The following CDH12 variants were observed in gnomAD, a reference collection of about 807,000 sequenced individuals.
CDH12 encodes cadherin-12.
A neutral mutation model predicts 74.1 loss-of-function variants in CDH12; 41 were observed. The observed-to-expected ratio is 0.55, with a 90% CI of 0.43 to 0.72. CDH12 has a LOEUF of 0.72. CDH12 is among the 30% of genes least tolerant of loss of function. The pLI is 0.00. For missense variants in CDH12, 945 were observed against 977.2 expected (o/e 0.97, Z 0.44); for synonymous variants, 399 against 355.0 (o/e 1.12, Z -1.39).
intron 3 of CDH12, among the ~76,000 whole-genome samples, chr5:22,313,951 C>T (rs1292729040): frequency 1.3e-5 from 2 of 152,026 alleles, no homozygotes; most frequent in Non-Finnish European, 2.9e-5. Flanking sequence ...ACCACTTGTA[C>T]CCCAAAAGCT....
At position 22,212,606 on chromosome 5, in the gene CDH12, T is replaced by C; in HGVS notation, c.-295A>G. 1.0e-6 allele frequency: 1 copy of C among 985,522 alleles called. No homozygotes were observed. The highest frequency in any genetic ancestry group is 1.2e-6 in the Non-Finnish European group (1 of 829,610). The allele number at this position is 985,522 out of a possible 1,614,324, so 61.0% of individuals were successfully genotyped here. On this transcript the variant is annotated 5_prime_UTR_variant, in exon 4 of 15. Coordinates refer to ENST00000382254, the MANE Select transcript of CDH12 (RefSeq NM_004061.5). ...CAACACCCTCCAAGTAGCTGCATCCTGTGCTCCTTTTCCCTGTTATGTTGA... is the reference window on the plus strand; with the variant it reads ...CAACACCCTCCAAGTAGCTGCATCCCGTGCTCCTTTTCCCTGTTATGTTGA...
chr5:22,355,912 T>G (rs907745629), intron 3 of CDH12, among the ~76,000 whole-genome samples: 4 of 152,184 alleles, frequency 2.6e-5, no homozygotes, highest in Non-Finnish European at 5.9e-5. Flanking sequence ...ACAGAAATAA[T>G]CTTTGGAGTG....
chr5:21,912,410 TA>T, intron 6 of CDH12, among the ~76,000 whole-genome samples: 1 of 152,178 alleles, frequency 6.6e-6, no homozygotes, highest in South Asian at 2.1e-4. Context: ...AATGAGATTT[TA>T]AATGGAACTC....
chr5:22,564,718 T>C lies in CDH12; in HGVS notation c.-522-59354A>G, dbSNP rs184327635. ...TTTGGACTTCTTTATATAATGCATTTATTTTCCTTTGATTTGTTGTATTTA... is the reference window on the plus strand; with the variant it reads ...TTTGGACTTCTTTATATAATGCATTCATTTTCCTTTGATTTGTTGTATTTA... On this transcript the variant is annotated intron_variant, in intron 1 of 14. Transcript: ENST00000382254. Among the ~76,000 whole-genome samples, 45 of 152,308 alleles carry C rather than the reference T, an allele frequency of 3.0e-4. No homozygotes were observed. The East Asian group carries it at 3.1e-3, about 10-fold the overall frequency.
rs548325663 is a variant in CDH12 at position 22,239,326 on chromosome 5, T to C, written c.-332-26683A>G. Among the ~76,000 whole-genome samples, 211 of 152,156 alleles carry C rather than the reference T, an allele frequency of 1.4e-3. 1 individual carries two copies. Among genetic ancestry groups the C allele is most frequent in the Middle Eastern group, 6.8e-3 (2 of 294 alleles). On this transcript the variant is annotated intron_variant, in intron 3 of 14. Coordinates refer to ENST00000382254, the MANE Select transcript of CDH12 (RefSeq NM_004061.5). The stretch of plus-strand genomic sequence containing the variant: ...CCAATGGTTCTCCAGGAAATATAAT[T>C]ACTGTGAGACAAATTAATTTGAGAG...
At chr5:21,870,746 T>C (rs1359682291) in intron 6 of CDH12, among the ~76,000 whole-genome samples, 1 of 152,192 alleles carries the variant, frequency 6.6e-6, no homozygotes. Flanking sequence ...GTGTTTTTGT[T>C]TTTGATACAG....
At chr5:22,801,436 T>C (rs1748507294) in intron 1 of CDH12, among the ~76,000 whole-genome samples, 1 of 151,536 alleles carries the variant, frequency 6.6e-6, no homozygotes, top group Admixed American at 6.6e-5. Flanking sequence ...TAAAAAGAGG[T>C]TTTTTGCCTT....
intron 3 of CDH12, among the ~76,000 whole-genome samples, chr5:22,282,604 A>G (rs1389464853): frequency 6.6e-6 from 1 of 152,224 alleles, no homozygotes; most frequent in East Asian, 1.9e-4. Flanking sequence ...ACTTCTCAAA[A>G]GAAGACATTT....
chr5:22,654,067 G>A (rs1457452031), intron 1 of CDH12, among the ~76,000 whole-genome samples: 6 of 100,006 alleles, frequency 6.0e-5, no homozygotes, highest in Non-Finnish European at 9.8e-5. Flanking sequence ...TGTCCTTCCC[G>A]TTCCTTCTCC....
chr5:22,060,906 C>T (rs531588044), intron 5 of CDH12, among the ~76,000 whole-genome samples: 3 of 152,108 alleles, frequency 2.0e-5, no homozygotes, highest in Non-Finnish European at 4.4e-5. Flanking sequence ...TACTGGAATC[C>T]ATTAGGCCTA....
intron 1 of CDH12, among the ~76,000 whole-genome samples, chr5:22,529,134 TGCA>T (rs1737436448): frequency 6.9e-6 from 1 of 145,612 alleles, no homozygotes; most frequent in Non-Finnish European, 1.5e-5. Context: ...CATGAATATA[TGCA>T]TATATATACA....
chr5:21,976,258 A>G (rs1480377713), intron 5 of CDH12, among the ~76,000 whole-genome samples: 1 of 152,134 alleles, frequency 6.6e-6, no homozygotes, highest in Non-Finnish European at 1.5e-5. Flanking sequence ...AATTCAACAC[A>G]TGTATGGTAC....
At chr5:22,829,019 G>T (rs1377295981) in intron 1 of CDH12, among the ~76,000 whole-genome samples, 1 of 152,120 alleles carries the variant, frequency 6.6e-6, no homozygotes, top group Non-Finnish European at 1.5e-5. Flanking sequence ...TTTTCTGAAG[G>T]TCAAAGTGGC....
At chr5:22,263,791 A>G (rs1363327403) in intron 3 of CDH12, among the ~76,000 whole-genome samples, 2 of 152,064 alleles carry the variant, frequency 1.3e-5, no homozygotes, top group African/African-American at 4.8e-5. Context: ...GTTAAGTGTT[A>G]TTATGAACTC....
intron 2 of CDH12, among the ~76,000 whole-genome samples, chr5:22,425,156 T>TATATATATATATAAAA (rs1554039872): frequency 0.02 from 2,471 of 126,250 alleles, 40 homozygotes; most frequent in African/African-American, 0.038. Flanking sequence ...TGTGTGTGTA[T>TATATATATATATAAAA]ATATATATAT....
intron 4 of CDH12, among the ~76,000 whole-genome samples, chr5:22,125,720 T>C (rs566592267): frequency 6.6e-5 from 10 of 152,288 alleles, no homozygotes; most frequent in Admixed American, 2.0e-4. Flanking sequence ...GAGTTCCATG[T>C]ACACATCCCA....
chr5:22,756,625 C>T (rs750399968), intron 1 of CDH12, among the ~76,000 whole-genome samples: 1 of 152,110 alleles, frequency 6.6e-6, no homozygotes, highest in Non-Finnish European at 1.5e-5. Context: ...GCAAACTCTA[C>T]TACAAAGCAA....
chr5:22,210,550 T>C (rs1318771737), intron 4 of CDH12, among the ~76,000 whole-genome samples: 3 of 151,814 alleles, frequency 2.0e-5, no homozygotes, highest in East Asian at 3.9e-4. Context: ...TAAGTAAACA[T>C]GTGTATTGGG....
intron 3 of CDH12, among the ~76,000 whole-genome samples, chr5:22,315,247 C>G (rs781766629): frequency 3.3e-5 from 5 of 150,074 alleles, no homozygotes; most frequent in African/African-American, 1.2e-4. Context: ...CTGGCGTGAG[C>G]CACCGCGCCC....
Sources: gnomAD v4.1 joint callset for allele counts (sites outside exome capture counted in the v4.1 genomes callset) on GRCh38, gnomAD v4.1.1 for gene constraint, MANE v1.5 for transcripts, NCBI Gene and HGNC (gene_info 2026-07-23, HGNC 2026-07-21) for gene names.